OSBP2: variants seen among roughly 807,000 people sequenced by gnomAD.
OSBP2 encodes oxysterol binding protein 2.
Under a neutral mutation model 96.0 loss-of-function variants are expected in OSBP2, and 66 were observed. The ratio of observed to expected loss-of-function variants is 0.69; its 90% CI spans 0.56 to 0.84. The LOEUF (loss-of-function observed/expected upper bound fraction) is 0.84. OSBP2 is among the 40% of genes least tolerant of loss of function. The pLI, the probability that OSBP2 is intolerant of heterozygous loss-of-function variation, is 0.00. For missense variants in OSBP2, 1,038 were observed against 1,222.7 expected, an observed-to-expected ratio of 0.85 and a Z score of 2.25; for synonymous variants, 525 against 520.9, an observed-to-expected ratio of 1.01 and a Z score of -0.11.
intron 2 of OSBP2, among the ~76,000 whole-genome samples, chr22:30,858,816 T>G (rs1399601632): frequency 6.6e-5 from 10 of 150,932 alleles, no homozygotes; most frequent in Non-Finnish European, 1.3e-4. Context: ...GAGATGGAGG[T>G]TGCAGTGAGC....
chr22:30,749,433 T>A (rs1304691609), intron 2 of OSBP2, among the ~76,000 whole-genome samples: 1 of 152,160 alleles, frequency 6.6e-6, no homozygotes, highest in East Asian at 1.9e-4. Flanking sequence ...TGGCTTTATC[T>A]TGGCTTTATT....
At chr22:30,811,576 A>G (rs2091007275) in intron 2 of OSBP2, among the ~76,000 whole-genome samples, 2 of 151,798 alleles carry the variant, frequency 1.3e-5, no homozygotes, top group Admixed American at 1.3e-4. Flanking sequence ...TATTTTTGAG[A>G]TGGAGTCTTG....
At chr22:30,706,741 C>A (rs907478886) in intron 1 of OSBP2, among the ~76,000 whole-genome samples, 1 of 152,172 alleles carries the variant, frequency 6.6e-6, no homozygotes, top group Non-Finnish European at 1.5e-5. Context: ...CTTACTCCCC[C>A]TTTGCAAGCC....
intron 1 of OSBP2, among the ~76,000 whole-genome samples, chr22:30,719,837 A>G (rs1310353074): frequency 6.6e-6 from 1 of 152,146 alleles, no homozygotes; most frequent in Non-Finnish European, 1.5e-5. Context: ...CCTGGACAAC[A>G]TAGAACCCAT....
chr22:30,876,069 A>G lies in OSBP2; in HGVS notation c.1107+5387A>G, dbSNP rs1030083069. Among the ~76,000 whole-genome samples the G allele has an allele frequency of 3.3e-5, 5 of 152,372 alleles. No individual in the cohort carries two copies. The East Asian group carries it at 7.7e-4, about 23-fold the overall frequency. On this transcript the variant is annotated intron_variant, in intron 3 of 13. Transcript: ENST00000332585. Reference sequence around the variant, plus strand: ...TTGGCGGAGAGGCAGATTCCTGTCCAGCTGACCACAGCCCAGCGGGAAAGC... The same window carrying G: ...TTGGCGGAGAGGCAGATTCCTGTCCGGCTGACCACAGCCCAGCGGGAAAGC...
At chr22:30,806,615 G>C (rs1232685761) in intron 2 of OSBP2, among the ~76,000 whole-genome samples, 1 of 152,174 alleles carries the variant, frequency 6.6e-6, no homozygotes, top group Non-Finnish European at 1.5e-5. Context: ...GAGGTGTTGG[G>C]GGGAGGAGAG....
At chr22:30,831,147 C>G (rs926341) in intron 2 of OSBP2, among the ~76,000 whole-genome samples, 46,724 of 152,060 alleles carry the variant, frequency 0.31, 7,494 homozygotes, top group Middle Eastern at 0.44. Context: ...CTCTAGCAGC[C>G]CCATCACCCT....
intron 1 of OSBP2, among the ~76,000 whole-genome samples, chr22:30,709,940 TG>T (rs1189601196): frequency 1.3e-5 from 2 of 151,856 alleles, no homozygotes; most frequent in Non-Finnish European, 2.9e-5. Flanking sequence ...TGGAGTGCAG[TG>T]GTGCAATCTC....
chr22:30,715,249 T>C (rs879410244), intron 1 of OSBP2, among the ~76,000 whole-genome samples: 6 of 152,136 alleles, frequency 3.9e-5, no homozygotes, highest in Non-Finnish European at 5.9e-5. Context: ...CAATGATTTA[T>C]TTTCTGTTTT....
At chr22:30,877,707 T>C (rs1176730808) in intron 3 of OSBP2, among the ~76,000 whole-genome samples, 1 of 152,246 alleles carries the variant, frequency 6.6e-6, no homozygotes, top group Non-Finnish European at 1.5e-5. Context: ...CTTAGCAGCC[T>C]GTGGGCTTGT....
chr22:30,775,425 T>C (rs1057045722), intron 2 of OSBP2, among the ~76,000 whole-genome samples: 8 of 150,184 alleles, frequency 5.3e-5, no homozygotes, highest in African/African-American at 2.0e-4. Flanking sequence ...CTGGCCAACA[T>C]GGTGATAGCC....
intron 1 of OSBP2, among the ~76,000 whole-genome samples, chr22:30,736,873 C>A (rs778780949): frequency 9.9e-5 from 15 of 152,140 alleles, no homozygotes; most frequent in Non-Finnish European, 1.9e-4. Context: ...CCTCTTTCCC[C>A]CATTTATTTA....
chr22:30,848,041 T>A (rs954521970), intron 2 of OSBP2, among the ~76,000 whole-genome samples: 2 of 152,210 alleles, frequency 1.3e-5, no homozygotes, highest in African/African-American at 4.8e-5. Context: ...TTTTGCTCCT[T>A]GATCTTTTTC....
intron 2 of OSBP2, chr22:30,822,372 G>A: frequency 8.8e-6 from 5 of 570,488 alleles, no homozygotes; most frequent in Non-Finnish European, 1.3e-5. Context: ...GGACGAGGCC[G>A]CGCTCCTGGG....
At chr22:30,854,640 GAAA>G (rs34856752) in intron 2 of OSBP2, among the ~76,000 whole-genome samples, 10 of 134,904 alleles carry the variant, frequency 7.4e-5, no homozygotes, top group South Asian at 4.8e-4. Flanking sequence ...CATTTAAAGT[GAAA>G]AAAAAAAAAA....
In OSBP2 at chr22:30,890,119, A is replaced by G. The variant is rs1006890815; in HGVS notation, c.1623+483A>G. On this transcript the variant is annotated intron_variant, in intron 7 of 13. Coordinates refer to ENST00000332585, the MANE Select transcript of OSBP2 (RefSeq NM_030758.4). This position sits in a 1 kb window ranked among gnomAD's most constrained non-coding sequence, Gnocchi z 4.4. ...CGGTTCTGCTGTGTGACCCAGAACAAGTTCCTTCACATCTCCAGCCTCTGT... is the reference window on the plus strand; with the variant it reads ...CGGTTCTGCTGTGTGACCCAGAACAGGTTCCTTCACATCTCCAGCCTCTGT... 1.3e-5 allele frequency among the ~76,000 whole-genome samples: 2 copies of G among 152,212 alleles called. No homozygotes were observed. The highest frequency in any genetic ancestry group is 2.9e-5 in the Non-Finnish European group (2 of 68,024).
At position 30,870,440 on chromosome 22, in the gene OSBP2, G is replaced by T. The variant is rs1166327078; in HGVS notation, c.865G>T (p.Asp289Tyr). Residue 289 changes from aspartate to tyrosine, a missense_variant, in exon 3 of 14, where the codon GAC (aspartate) becomes TAC (tyrosine). This residue lies in a region of OSBP2 where 737 missense variants were observed against 913.3 expected (regional missense o/e 0.81). Transcript: ENST00000332585. This position sits in a 1 kb window ranked among gnomAD's most constrained non-coding sequence, Gnocchi z 4.1. ...VMNTHSDDSGDDDEATTPADK... is the reference protein window; with the variant it reads ...VMNTHSDDSGYDDEATTPADK... ...ATTTTCTTCCACAGATGACTCTGGG[G>T]ACGACGACGAGGCTACCACCCCAGC... 3.1e-6 allele frequency: 5 copies of T among 1,613,856 alleles called. No individual in the cohort carries two copies. The highest frequency in any genetic ancestry group is 4.2e-6 in the Non-Finnish European group (5 of 1,179,980).
intron 3 of OSBP2, among the ~76,000 whole-genome samples, chr22:30,874,767 C>G (rs2039542694): frequency 6.6e-6 from 1 of 152,216 alleles, no homozygotes. Context: ...GCTGTACCTT[C>G]TAGAACACCC....
At position 30,740,265 on chromosome 22, in the gene OSBP2, G is replaced by T. The variant is rs187374238; in HGVS notation, c.645-896G>T. 4.3e-3 allele frequency among the ~76,000 whole-genome samples: 660 copies of T among 152,268 alleles called. 7 individuals are homozygous for T. Among genetic ancestry groups the T allele is most frequent in the African/African-American group, 0.015 (636 of 41,548 alleles). ...GAAGCTGTCTTCTTGTGCTGAGTCAGTTCCTAGGTGGGGGCCACAAGATCA... is the reference window on the plus strand; with the variant it reads ...GAAGCTGTCTTCTTGTGCTGAGTCATTTCCTAGGTGGGGGCCACAAGATCA... On this transcript the variant is annotated intron_variant, in intron 1 of 13. Coordinates refer to ENST00000332585, the MANE Select transcript of OSBP2 (RefSeq NM_030758.4).
Sources: allele counts gnomAD v4.1 joint callset (sites outside exome capture counted in the v4.1 genomes callset), GRCh38; gene constraint gnomAD v4.1.1; regional missense constraint gnomAD v4.1.1; non-coding constraint Gnocchi (gnomAD v3.1); transcripts MANE v1.5; gene names NCBI Gene and HGNC (gene_info 2026-07-23, HGNC 2026-07-21).